PLEKHH2: variants seen among roughly 807,000 people sequenced by gnomAD.
PLEKHH2 encodes the protein pleckstrin homology domain-containing family H member 2.
Under a neutral mutation model 187.9 loss-of-function variants are expected in PLEKHH2, and 129 were observed. That is an observed-to-expected ratio of 0.69 (90% CI 0.59 to 0.79). The LOEUF is 0.79. PLEKHH2 is among the 30% of genes least tolerant of loss of function. The probability of loss-of-function intolerance (pLI) is 0.00; values close to 1 mark genes in which losing one functional copy is unlikely to be tolerated. For missense variants in PLEKHH2, 2,076 were observed against 1,751.2 expected (o/e 1.19, Z -3.31); for synonymous variants, 686 against 605.6 (o/e 1.13, Z -1.95).
At chr2:43,738,273 G>C (rs535167763) in intron 19 of PLEKHH2, 68 bp from the exon 20 acceptor site, 1 of 1,267,750 alleles carries the variant, frequency 7.9e-7, no homozygotes, top group South Asian at 1.8e-5. Flanking sequence ...AAAGATATTC[G>C]ATATAATTCA....
At chr2:43,698,398 C>G (rs1669195925) in intron 7 of PLEKHH2, among the ~76,000 whole-genome samples, 1 of 152,032 alleles carries the variant, frequency 6.6e-6, no homozygotes, top group Non-Finnish European at 1.5e-5. Flanking sequence ...TAGACACATG[C>G]CACCATGCCT....
intron 1 of PLEKHH2, among the ~76,000 whole-genome samples, chr2:43,641,885 G>A (rs1210757570): frequency 6.6e-6 from 1 of 152,216 alleles, no homozygotes; most frequent in African/African-American, 2.4e-5. Flanking sequence ...TCAAGCTACT[G>A]TATAGCTTTG....
chr2:43,722,059 C>G (rs1431702137), intron 16 of PLEKHH2, among the ~76,000 whole-genome samples: 2 of 151,194 alleles, frequency 1.3e-5, no homozygotes, highest in African/African-American at 4.9e-5. Flanking sequence ...TAATGCCACC[C>G]TAGGCAACAT....
intron 2 of PLEKHH2, among the ~76,000 whole-genome samples, chr2:43,666,295 G>A (rs34390325): frequency 0.22 from 32,555 of 151,026 alleles, 4,719 homozygotes; most frequent in Non-Finnish European, 0.31. Context: ...GACCCCTTGC[G>A]CTTCCCAGGT....
chr2:43,724,985 G>A (rs1454516423), intron 16 of PLEKHH2, among the ~76,000 whole-genome samples: 3 of 152,206 alleles, frequency 2.0e-5, no homozygotes, highest in African/African-American at 7.2e-5. Flanking sequence ...GAGTTTAGTA[G>A]ATAGTGCAAA....
chr2:43,638,844 G>C (rs1703239929), intron 1 of PLEKHH2, among the ~76,000 whole-genome samples: 1 of 152,122 alleles, frequency 6.6e-6, no homozygotes, highest in Non-Finnish European at 1.5e-5. Context: ...AATGAAATGA[G>C]GGAATCAGGT....
At chr2:43,639,463 C>T (rs928138667) in intron 1 of PLEKHH2, among the ~76,000 whole-genome samples, 1 of 152,106 alleles carries the variant, frequency 6.6e-6, no homozygotes, top group African/African-American at 2.4e-5. Context: ...CACTAACCTA[C>T]TTTCTGTCCT....
chr2:43,754,191 C>CAA, intron 25 of PLEKHH2, among the ~76,000 whole-genome samples: 1 of 124,422 alleles, frequency 8.0e-6, no homozygotes, highest in African/African-American at 3.6e-5. Flanking sequence ...CACACACACA[C>CAA]ACACACACAC....
intron 16 of PLEKHH2, among the ~76,000 whole-genome samples, chr2:43,725,129 G>T (rs1022028943): frequency 6.6e-6 from 1 of 152,186 alleles, no homozygotes; most frequent in Non-Finnish European, 1.5e-5. Flanking sequence ...CCTCCTGATG[G>T]TTTAGTTGGA....
intron 19 of PLEKHH2, 45 bp downstream of exon 19, chr2:43,731,647 A>G: frequency 8.3e-7 from 1 of 1,210,746 alleles, no homozygotes; most frequent in Non-Finnish European, 1.1e-6. Context: ...TAAAATACTT[A>G]TATGTTGTTA....
chr2:43,751,513 C>A (rs950304138), intron 24 of PLEKHH2, among the ~76,000 whole-genome samples: 2 of 152,180 alleles, frequency 1.3e-5, no homozygotes, highest in African/African-American at 4.8e-5. Context: ...GTGCTGAGAG[C>A]CCTGCTGAAT....
chr2:43,764,389 C>CT (rs758530324), intron 29 of PLEKHH2, 24 bp downstream of exon 29: 2 of 1,607,084 alleles, frequency 1.2e-6, no homozygotes, highest in Non-Finnish European at 8.5e-7. Flanking sequence ...TTTCTGCCAA[C>CT]TTTTTTGTCC....
At chr2:43,715,704 T>C (rs960028164) in intron 15 of PLEKHH2, among the ~76,000 whole-genome samples, 8 of 152,056 alleles carry the variant, frequency 5.3e-5, no homozygotes, top group African/African-American at 1.9e-4. Context: ...TGATAGCAGA[T>C]AAGAGAGAGC....
chr2:43,740,936 C>G lies in PLEKHH2; in HGVS notation c.3124-10C>G. On this transcript the variant is annotated splice_polypyrimidine_tract_variant and intron_variant, in intron 20 of 29. Transcript: ENST00000282406. ...GTGGTATCTAACCTGTGGTGCTTCTCCCTGCCCAGGGCTGGCAGCTCTTGG... is the reference window on the plus strand; with the variant it reads ...GTGGTATCTAACCTGTGGTGCTTCTGCCTGCCCAGGGCTGGCAGCTCTTGG... 1 of 1,612,922 alleles carries G rather than the reference C, an allele frequency of 6.2e-7. No individual in the cohort carries two copies. Among genetic ancestry groups the G allele is most frequent in the Non-Finnish European group, 8.5e-7 (1 of 1,179,474 alleles).
intron 2 of PLEKHH2, chr2:43,675,713 T>G: frequency 6.2e-7 from 1 of 1,613,956 alleles, no homozygotes; most frequent in Non-Finnish European, 8.5e-7. Flanking sequence ...TCTGCACAGG[T>G]CTCAGAGTTA....
At chr2:43,647,497 C>G (rs1389551343) in intron 2 of PLEKHH2, among the ~76,000 whole-genome samples, 1 of 152,164 alleles carries the variant, frequency 6.6e-6, no homozygotes, top group Non-Finnish European at 1.5e-5. Flanking sequence ...CTCATCCATT[C>G]TGTCCTCTAT....
chr2:43,639,127 G>C (rs1703251692), intron 1 of PLEKHH2, among the ~76,000 whole-genome samples: 1 of 152,158 alleles, frequency 6.6e-6, no homozygotes, highest in Non-Finnish European at 1.5e-5. Context: ...AATTTTTTGA[G>C]CTAATTGTGA....
In PLEKHH2 at chr2:43,700,314, A is replaced by G. The variant is rs534562581; in HGVS notation, c.1356A>G (p.Ala452=). Residue 452 remains alanine (A), a synonymous_variant, in exon 8 of 30, where the codon GCA becomes GCG. Coordinates refer to ENST00000282406, the MANE Select transcript of PLEKHH2 (RefSeq NM_172069.4). ...CTAATGTTTTCAGTATAAGTGTAGCACTAGCCAAAAGGCACTTAAGCCAGC... is the reference window on the plus strand; with the variant it reads ...CTAATGTTTTCAGTATAAGTGTAGCGCTAGCCAAAAGGCACTTAAGCCAGC... ...RIPNVFSISV[A]LAKRHLSQPQ... 4.7e-5 allele frequency: 76 copies of G among 1,614,166 alleles called. No homozygotes were observed. In the South Asian group the frequency reaches 7.7e-4, roughly 16 times the overall value.
chr2:43,671,211 T>G lies in PLEKHH2; in HGVS notation c.124-7652T>G, dbSNP rs368772017. ...CATGTTGGCCAGGCTGGTCTAGAACTCCTGACCTCAGGTTATCCACCCACC... is the reference window on the plus strand; with the variant it reads ...CATGTTGGCCAGGCTGGTCTAGAACGCCTGACCTCAGGTTATCCACCCACC... On this transcript the variant is annotated intron_variant, in intron 2 of 29. Coordinates refer to ENST00000282406, the MANE Select transcript of PLEKHH2 (RefSeq NM_172069.4). Among the ~76,000 whole-genome samples, 7 of 152,250 alleles carry G rather than the reference T, an allele frequency of 4.6e-5. No individual in the cohort carries two copies. In the East Asian group the frequency reaches 1.2e-3, roughly 25 times the overall value.
Sources: allele counts gnomAD v4.1 joint callset (sites outside exome capture counted in the v4.1 genomes callset), GRCh38; gene constraint gnomAD v4.1.1; transcripts MANE v1.5; gene names NCBI Gene and HGNC (gene_info 2026-07-23, HGNC 2026-07-21).